Variants in SF3B1 observed in about 807,000 individuals in gnomAD.
The protein encoded by SF3B1 is pre-mRNA processing 10.
SF3B1 carries 12 observed loss-of-function variants against 153.8 expected under a neutral mutation model. The observed-to-expected ratio is 0.08, with a 90% CI of 0.05 to 0.13. The LOEUF (loss-of-function observed/expected upper bound fraction) is 0.13, where lower values mean the gene tolerates loss of function less well. SF3B1 is among the 10% of genes least tolerant of loss of function. SF3B1 has a pLI of 1.00. For synonymous variants in SF3B1, 498 were observed against 525.2 expected, an observed-to-expected ratio of 0.95 and a Z score of 0.71; for missense variants, 513 against 1,606.1, an observed-to-expected ratio of 0.32 and a Z score of 11.63.
intron 9 of SF3B1, 163 bp downstream of exon 9, chr2:197,407,835 C>A: frequency 1.7e-6 from 1 of 576,962 alleles, no homozygotes; most frequent in Non-Finnish European, 3.0e-6. Context: ...TTGTTCATTT[C>A]TTTTCATCTC....
chr2:197,393,408 C>T (rs971429730), intron 23 of SF3B1: 1 of 544,248 alleles, frequency 1.8e-6, no homozygotes, highest in Non-Finnish European at 3.3e-6. Flanking sequence ...GCTTTAATTA[C>T]TCAAGATTCA....
chr2:197,431,921 G>C (rs781173718), intron 1 of SF3B1, among the ~76,000 whole-genome samples: 3 of 151,980 alleles, frequency 2.0e-5, no homozygotes, highest in Admixed American at 2.0e-4. Flanking sequence ...CCAGGAGTTC[G>C]AGATCAGCCT....
chr2:197,409,282 C>T (rs1234043528), intron 7 of SF3B1, among the ~76,000 whole-genome samples: 1 of 152,020 alleles, frequency 6.6e-6, no homozygotes, highest in East Asian at 1.9e-4. Context: ...GCCTGTAATC[C>T]CAGCTACTCA....
rs1392553219 is a variant in SF3B1, at chr2:197,396,201, A to T, written c.3394T>A (p.Leu1132Ile). 6.2e-7 allele frequency: 1 copy of T among 1,613,898 alleles called. No individual in the cohort carries two copies. The highest frequency in any genetic ancestry group is 8.5e-7 in the Non-Finnish European group (1 of 1,179,944). ...TCSPFTVLPA[L>I]MNEYRVPELN... ...TCAGGAACTCTGTATTCATTCATTA[A>T]GGCAGGGAGTACTGTAAAGGGTGAA... Residue 1132 changes from leucine (L) to isoleucine (I), a missense_variant, in exon 23 of 25, where the codon TTA becomes ATA. Leu to Ile is a conservative substitution (Grantham distance 5, BLOSUM62 2). Coordinates refer to ENST00000335508, the MANE Select transcript of SF3B1 (RefSeq NM_012433.4).
chr2:197,433,969 G>C (rs1400595171), intron 1 of SF3B1, among the ~76,000 whole-genome samples: 1 of 152,176 alleles, frequency 6.6e-6, no homozygotes, highest in Non-Finnish European at 1.5e-5. Context: ...TTCTACTTAA[G>C]CATGCATCTG....
chr2:197,431,209 C>T (rs2085430128), intron 1 of SF3B1, among the ~76,000 whole-genome samples: 2 of 148,064 alleles, frequency 1.4e-5, no homozygotes, highest in Admixed American at 1.4e-4. Flanking sequence ...CCTTCGCCTC[C>T]TGGGTTCAAG....
intron 21 of SF3B1, 146 bp downstream of exon 21, chr2:197,398,315 G>A: frequency 1.0e-6 from 1 of 982,526 alleles, no homozygotes; most frequent in Non-Finnish European, 1.5e-6. Flanking sequence ...CATCCAAATT[G>A]AAATTTGACT....
rs201760265 is a variant in SF3B1 at position 197,434,985 on chromosome 2, G to C, written c.15C>G (p.Ala5=). Residue 5 remains alanine, a synonymous_variant, in exon 1 of 25, where the codon GCC becomes GCG. Coordinates refer to ENST00000335508, the MANE Select transcript of SF3B1 (RefSeq NM_012433.4). ...AAGACCGCTTACCTTCGTGAGTCTTGGCGATCTTCGCCATTTTGTCCACTC... is the reference window on the plus strand; with the variant it reads ...AAGACCGCTTACCTTCGTGAGTCTTCGCGATCTTCGCCATTTTGTCCACTC... MAKI[A]KTHEDIEAQI... 2 of 1,614,248 alleles carry C rather than the reference G, an allele frequency of 1.2e-6. No individual in the cohort carries two copies. Among genetic ancestry groups the C allele is most frequent in the Non-Finnish European group, 1.7e-6 (2 of 1,180,020 alleles).
At chr2:197,409,385 A>G (rs1207655675) in intron 7 of SF3B1, among the ~76,000 whole-genome samples, 2 of 151,658 alleles carry the variant, frequency 1.3e-5, no homozygotes, top group South Asian at 2.1e-4. Context: ...GGACAACAAG[A>G]GCAAAACTCC....
chr2:197,396,163 T>C lies in SF3B1; in HGVS notation c.3432A>G (p.Gln1144=), dbSNP rs777976236. ...NEYRVPELNV[Q]NGVLKSLSFL... The stretch of plus-strand genomic sequence containing the variant: ...AGGAAAGCGATTTTAACACTCCATT[T>C]TGAACATTCAGTTCAGGAACTCTGT... Residue 1144 remains glutamine (Q), a synonymous_variant, in exon 23 of 25, where the codon CAA becomes CAG. Transcript: ENST00000335508. 3.7e-6 allele frequency: 6 copies of C among 1,613,908 alleles called. No individual in the cohort carries two copies. The East Asian group carries it at 1.3e-4, about 36-fold the overall frequency.
rs776016215 is a variant in SF3B1, at chr2:197,393,077, G to A, written c.3651C>T (p.Pro1217=). 1.2e-6 allele frequency: 2 copies of A among 1,612,550 alleles called. No individual in the cohort carries two copies. The highest frequency in any genetic ancestry group is 1.7e-6 in the Non-Finnish European group (2 of 1,178,602). Residue 1217 remains proline (P), a synonymous_variant, in exon 24 of 25, where the codon CCC becomes CCT. Coordinates refer to ENST00000335508, the MANE Select transcript of SF3B1 (RefSeq NM_012433.4). ...CATGAGGAGATGTCTCAAATACATT[G>A]GGCCATACATAGTTCAACAAGTGAT... ...SLNHLLNYVW[P]NVFETSPHVI... is the part of the protein sequence containing the mutation.
intron 11 of SF3B1, among the ~76,000 whole-genome samples, chr2:197,404,535 C>A (rs2084968545): frequency 6.6e-6 from 1 of 152,086 alleles, no homozygotes; most frequent in East Asian, 1.9e-4. Flanking sequence ...CAAGACTACA[C>A]CACTGCACTC....
chr2:197,410,369 T>C (rs2085050435), intron 6 of SF3B1, among the ~76,000 whole-genome samples: 1 of 152,178 alleles, frequency 6.6e-6, no homozygotes, highest in Non-Finnish European at 1.5e-5. Context: ...CATTAGTACT[T>C]CTCAAAGTGG....
intron 23 of SF3B1, 149 bp from the exon 24 acceptor site, chr2:197,393,337 G>A (rs1173050024): frequency 1.6e-6 from 1 of 628,042 alleles, no homozygotes; most frequent in African/African-American, 1.8e-5. Context: ...TAGATGTGAA[G>A]TCATCTAACA....
chr2:197,408,326 T>C (rs2085021340), intron 8 of SF3B1, 43 bp downstream of exon 8: 1 of 1,570,230 alleles, frequency 6.4e-7, no homozygotes. Context: ...AATTAAATAA[T>C]TTATGGAGAA....
At chr2:197,406,755 C>G (rs1269265034) in intron 9 of SF3B1, among the ~76,000 whole-genome samples, 1 of 152,110 alleles carries the variant, frequency 6.6e-6, no homozygotes, top group African/African-American at 2.4e-5. Flanking sequence ...AAACTTCATG[C>G]AAACTTGAAA....
chr2:197,424,638 G>T (rs1432413487), intron 1 of SF3B1, among the ~76,000 whole-genome samples: 1 of 152,004 alleles, frequency 6.6e-6, no homozygotes, highest in Non-Finnish European at 1.5e-5. Context: ...GCATTTAGTT[G>T]TCACTCTTTG....
chr2:197,409,613 G>GA (rs1398040103), intron 7 of SF3B1, among the ~76,000 whole-genome samples, 157 bp downstream of exon 7: 1 of 152,052 alleles, frequency 6.6e-6, no homozygotes, highest in Non-Finnish European at 1.5e-5. Context: ...TCAAGAAGTG[G>GA]AAAAAATTAG....
At chr2:197,427,387 G>A (rs1399747769) in intron 1 of SF3B1, among the ~76,000 whole-genome samples, 1 of 152,170 alleles carries the variant, frequency 6.6e-6, no homozygotes, top group Non-Finnish European at 1.5e-5. Context: ...GCAAACTGCA[G>A]CACATTTACA....
Sources: allele counts gnomAD v4.1 joint callset (sites outside exome capture counted in the v4.1 genomes callset), GRCh38; gene constraint gnomAD v4.1.1; transcripts MANE v1.5; gene names NCBI Gene and HGNC (gene_info 2026-07-23, HGNC 2026-07-21).